KCNK13: variants seen among roughly 807,000 people sequenced by gnomAD.
KCNK13 encodes the protein potassium two pore domain channel subfamily K member 13, also known as potassium channel subfamily K member 13.
Under a neutral mutation model 23.4 loss-of-function variants are expected in KCNK13, and 12 were observed. The ratio of observed to expected loss-of-function variants is 0.51; its 90% CI spans 0.33 to 0.83. The LOEUF is 0.83. KCNK13 is among the 40% of genes least tolerant of loss of function. The probability of loss-of-function intolerance (pLI) is 0.02; values close to 1 mark genes in which losing one functional copy is unlikely to be tolerated. For synonymous variants in KCNK13, 231 were observed against 229.5 expected, an observed-to-expected ratio of 1.01 and a Z score of -0.06; for missense variants, 463 against 556.3, an observed-to-expected ratio of 0.83 and a Z score of 1.69.
At chr14:90,124,599 C>T (rs183085131) in intron 1 of KCNK13, among the ~76,000 whole-genome samples, 1 of 152,212 alleles carries the variant, frequency 6.6e-6, no homozygotes, top group African/African-American at 2.4e-5. Context: ...GAAACGGGGA[C>T]CTCGGTCCTG....
chr14:90,178,434 G>C (rs900658298), intron 1 of KCNK13, among the ~76,000 whole-genome samples: 2 of 151,988 alleles, frequency 1.3e-5, no homozygotes, highest in East Asian at 3.9e-4. Context: ...TGGGATTACA[G>C]GCATGTGCCA....
At chr14:90,092,756 CT>C (rs1043460177) in intron 1 of KCNK13, among the ~76,000 whole-genome samples, 1 of 151,766 alleles carries the variant, frequency 6.6e-6, no homozygotes, top group African/African-American at 2.4e-5. Flanking sequence ...TCTGCAAAAA[CT>C]AAAAAATTAG....
chr14:90,095,241 TC>T (rs957545643), intron 1 of KCNK13, among the ~76,000 whole-genome samples: 55 of 152,336 alleles, frequency 3.6e-4, no homozygotes, highest in African/African-American at 1.3e-3. Context: ...TCCTTTCTTT[TC>T]TCAGATGTCC....
chr14:90,134,817 A>G (rs1210591233), intron 1 of KCNK13, among the ~76,000 whole-genome samples: 1 of 152,240 alleles, frequency 6.6e-6, no homozygotes, highest in Non-Finnish European at 1.5e-5. Context: ...ATGAAGATAT[A>G]TTATGGTGAA....
At chr14:90,167,692 C>A (rs1890319736) in intron 1 of KCNK13, among the ~76,000 whole-genome samples, 2 of 152,144 alleles carry the variant, frequency 1.3e-5, no homozygotes, top group South Asian at 4.2e-4. Flanking sequence ...CTAGCAAACA[C>A]CCCTGCCGAA....
At chr14:90,108,912 G>C (rs531915015) in intron 1 of KCNK13, among the ~76,000 whole-genome samples, 2 of 152,232 alleles carry the variant, frequency 1.3e-5, no homozygotes, top group South Asian at 2.1e-4. Flanking sequence ...CGCAGTGGCT[G>C]ACGCCTGTAA....
chr14:90,089,716 T>C (rs1292108550), intron 1 of KCNK13, among the ~76,000 whole-genome samples: 1 of 152,126 alleles, frequency 6.6e-6, no homozygotes, highest in Non-Finnish European at 1.5e-5. Flanking sequence ...AATAATGGCT[T>C]TGTGGGCCAG....
chr14:90,179,665 G>T (rs546407421), intron 1 of KCNK13, among the ~76,000 whole-genome samples: 2 of 152,220 alleles, frequency 1.3e-5, no homozygotes, highest in African/African-American at 4.8e-5. Flanking sequence ...CCCAGACTCG[G>T]GCTGAACACC....
chr14:90,129,978 G>A (rs541709464), intron 1 of KCNK13, among the ~76,000 whole-genome samples: 10 of 152,178 alleles, frequency 6.6e-5, no homozygotes, highest in African/African-American at 1.4e-4. Flanking sequence ...TTACAAAAGC[G>A]GAGATGGTTC....
At chr14:90,089,109 A>T (rs1417489708) in intron 1 of KCNK13, among the ~76,000 whole-genome samples, 1 of 152,230 alleles carries the variant, frequency 6.6e-6, no homozygotes, top group Non-Finnish European at 1.5e-5. Context: ...GAAAATGTGG[A>T]AACAACCTTG....
At chr14:90,140,802 G>A (rs1291387425) in intron 1 of KCNK13, among the ~76,000 whole-genome samples, 2 of 152,074 alleles carry the variant, frequency 1.3e-5, no homozygotes, top group Non-Finnish European at 2.9e-5. Flanking sequence ...TTGTCTCCCC[G>A]GGGCGCAGTG....
At chr14:90,164,432 T>C (rs1890281368) in intron 1 of KCNK13, among the ~76,000 whole-genome samples, 2 of 152,212 alleles carry the variant, frequency 1.3e-5, no homozygotes, top group Non-Finnish European at 2.9e-5. Flanking sequence ...GTTGTATCTC[T>C]TTAAAGACTC....
At chr14:90,121,474 G>A (rs1251269800) in intron 1 of KCNK13, among the ~76,000 whole-genome samples, 3 of 152,206 alleles carry the variant, frequency 2.0e-5, no homozygotes, top group African/African-American at 7.2e-5. Context: ...CCCAAGCATT[G>A]TAATGGGATA....
intron 1 of KCNK13, among the ~76,000 whole-genome samples, chr14:90,137,738 C>T (rs970477236): frequency 9.2e-5 from 14 of 152,306 alleles, no homozygotes; most frequent in African/African-American, 3.4e-4. Flanking sequence ...ATGTAATTGA[C>T]TCCCAGCTGT....
intron 1 of KCNK13, among the ~76,000 whole-genome samples, chr14:90,128,721 G>C (rs893337165): frequency 6.6e-6 from 1 of 151,952 alleles, no homozygotes; most frequent in Non-Finnish European, 1.5e-5. Context: ...ATCTCTCACC[G>C]AATACTTTTC....
chr14:90,063,717 A>G (rs565752061), intron 1 of KCNK13, among the ~76,000 whole-genome samples: 1 of 152,318 alleles, frequency 6.6e-6, no homozygotes, highest in South Asian at 2.1e-4. Flanking sequence ...GCTCCCACAC[A>G]TGGCTGTGCT....
intron 1 of KCNK13, among the ~76,000 whole-genome samples, chr14:90,143,472 A>G (rs1890038801): frequency 6.6e-6 from 1 of 151,720 alleles, no homozygotes; most frequent in South Asian, 2.1e-4. Flanking sequence ...GAATCAGTTG[A>G]CCACGTATGT....
intron 1 of KCNK13, among the ~76,000 whole-genome samples, chr14:90,074,650 T>C (rs2140391215): frequency 6.6e-6 from 1 of 152,350 alleles, no homozygotes; most frequent in Middle Eastern, 3.4e-3. Flanking sequence ...TTTTTATTTG[T>C]TGTTTCTGTA....
chr14:90,142,987 A>G (rs532844038), intron 1 of KCNK13, among the ~76,000 whole-genome samples: 4 of 152,310 alleles, frequency 2.6e-5, no homozygotes, highest in South Asian at 2.1e-4. Flanking sequence ...CTAAAGGGCT[A>G]GTTAATAAGG....
Sources: allele counts gnomAD v4.1 joint callset (sites outside exome capture counted in the v4.1 genomes callset), GRCh38; gene constraint gnomAD v4.1.1; transcripts MANE v1.5; gene names NCBI Gene and HGNC (gene_info 2026-07-23, HGNC 2026-07-21).